The following DSE variants were observed in gnomAD, a reference collection of about 807,000 sequenced individuals.
DSE encodes the protein dermatan-sulfate epimerase.
DSE carries 36 observed loss-of-function variants against 84.4 expected under a neutral mutation model. The observed-to-expected ratio is 0.43, with a 90% confidence interval of 0.33 to 0.56. The LOEUF is 0.56. Ranked by LOEUF, DSE falls within the 20% of genes least tolerant of loss-of-function variation. The pLI is 0.06. For missense variants in DSE, 862 were observed against 1,169.6 expected, an observed-to-expected ratio of 0.74 and a Z score of 3.84; for synonymous variants, 410 against 430.1, an observed-to-expected ratio of 0.95 and a Z score of 0.58.
At chr6:116,308,778 T>C (rs1294229660) in intron 2 of DSE, among the ~76,000 whole-genome samples, 1 of 151,904 alleles carries the variant, frequency 6.6e-6, no homozygotes, top group African/African-American at 2.4e-5. Flanking sequence ...CCCGGGTTCA[T>C]GCCATTCTCC....
Position 116,307,463 on chromosome 6 carries a change from A to G in DSE, c.-54+48496A>G, listed in dbSNP as rs568988037. On this transcript the variant is annotated intron_variant, in intron 2 of 3. Coordinates refer to the DSE transcript ENST00000430252. The stretch of plus-strand genomic sequence containing the variant: ...ATTTTGAATGCATTTGGTTGAAAAC[A>G]TTCTGAAAAGAACCTTTTCTTCATA... 1.1e-4 allele frequency among the ~76,000 whole-genome samples: 17 copies of G among 152,352 alleles called. No homozygotes were observed. In the East Asian group the frequency reaches 2.5e-3, roughly 22 times the overall value.
chr6:116,370,766 G>T (rs1254531284), upstream of DSE: 10 of 927,514 alleles, frequency 1.1e-5, no homozygotes, highest in Admixed American at 6.2e-5. Context: ...AAAGCGGGGC[G>T]GGCCTGCGGT....
chr6:116,259,976 A>G (rs1772342436), intron 2 of DSE, among the ~76,000 whole-genome samples: 1 of 152,184 alleles, frequency 6.6e-6, no homozygotes, highest in South Asian at 2.1e-4. Flanking sequence ...TTATGATAGA[A>G]TGACTTATAT....
intron 2 of DSE, among the ~76,000 whole-genome samples, chr6:116,350,780 C>T (rs1192488762): frequency 6.6e-6 from 1 of 151,978 alleles, no homozygotes; most frequent in African/African-American, 2.4e-5. Context: ...ATTCACTAAA[C>T]GTGTACGGTA....
intron 2 of DSE, among the ~76,000 whole-genome samples, chr6:116,415,442 A>T (rs1192244069): frequency 1.3e-5 from 2 of 151,958 alleles, no homozygotes; most frequent in Non-Finnish European, 2.9e-5. Context: ...TGTACTGTGC[A>T]CTTCATGGAT....
intron 2 of DSE, among the ~76,000 whole-genome samples, chr6:116,319,833 A>G (rs1776198065): frequency 6.6e-6 from 1 of 152,060 alleles, no homozygotes; most frequent in South Asian, 2.1e-4. Context: ...TTTCATAAAT[A>G]TGTTCTTCTC....
At chr6:116,374,567 A>G (rs192471310) in intron 1 of DSE, among the ~76,000 whole-genome samples, 364 of 152,320 alleles carry the variant, frequency 2.4e-3, no homozygotes, top group African/African-American at 8.5e-3. Context: ...ATAACAGAAT[A>G]CTTGAATCTG....
At chr6:116,256,956 A>G (rs1233040264) in intron 1 of DSE, among the ~76,000 whole-genome samples, 2 of 152,230 alleles carry the variant, frequency 1.3e-5, no homozygotes, top group African/African-American at 2.4e-5. Flanking sequence ...AGAAAATGCC[A>G]TGAAAATCTA....
At chr6:116,369,849 G>A (rs1460960758), upstream of DSE, 2 of 1,212,498 alleles carry the variant, frequency 1.6e-6, no homozygotes, top group Non-Finnish European at 2.2e-6. Flanking sequence ...GAGGATAGAG[G>A]AATTGGATGG....
chr6:116,303,496 G>A (rs1198772006), intron 2 of DSE, among the ~76,000 whole-genome samples: 2 of 152,040 alleles, frequency 1.3e-5, no homozygotes, highest in African/African-American at 4.8e-5. Flanking sequence ...ACAACATCTG[G>A]CATGTTGTAG....
chr6:116,393,044 G>A (rs766202531), intron 1 of DSE, among the ~76,000 whole-genome samples: 12 of 152,150 alleles, frequency 7.9e-5, no homozygotes, highest in Admixed American at 3.9e-4. Flanking sequence ...TAATATAAAT[G>A]TGTTACTAAG....
intron 2 of DSE, among the ~76,000 whole-genome samples, chr6:116,291,966 G>A (rs546095645): frequency 9.8e-5 from 15 of 152,292 alleles, no homozygotes; most frequent in African/African-American, 3.6e-4. Flanking sequence ...TGTAGTGGGA[G>A]GAGAGATCAA....
chr6:116,435,918 T>G lies in DSE; in HGVS notation c.1450T>G (p.Leu484Val), dbSNP rs1784121827. 6.2e-7 allele frequency: 1 copy of G among 1,614,160 alleles called. No individual in the cohort carries two copies. Among genetic ancestry groups the G allele is most frequent in the Non-Finnish European group, 8.5e-7 (1 of 1,180,016 alleles). The change falls in exon 6 of 6, where the codon TTG (leucine) becomes GTG (valine). Residue 484 changes from leucine (L) to valine (V), a missense_variant. Coordinates refer to ENST00000644252, the MANE Select transcript of DSE (RefSeq NM_013352.4). ...GPKYTFFNNV[L>V]MFSPAVSKSC... is the part of the protein sequence containing the mutation. ...AAAGTACACCTTCTTCAACAATGTT[T>G]TGATGTTTTCCCCAGCTGTGTCAAA...
chr6:116,421,469 T>A (rs1273545218), intron 2 of DSE, among the ~76,000 whole-genome samples: 550 of 77,698 alleles, frequency 7.1e-3, no homozygotes, highest in African/African-American at 0.014. Flanking sequence ...ATATATTTTT[T>A]TTTTTTTTTT....
intron 2 of DSE, chr6:116,279,816 A>T (rs1773394073): frequency 3.7e-6 from 6 of 1,613,004 alleles, no homozygotes; most frequent in Non-Finnish European, 5.1e-6. Flanking sequence ...TCTTGACCCC[A>T]TCCAGGCCGC....
At chr6:116,274,595 G>A (rs1452586303) in intron 2 of DSE, among the ~76,000 whole-genome samples, 75 of 150,162 alleles carry the variant, frequency 5.0e-4, no homozygotes, top group Non-Finnish European at 9.3e-4. Flanking sequence ...AAAAAAAAAA[G>A]AGCATTTTAC....
At chr6:116,409,652 G>A (rs62425200) in intron 2 of DSE, among the ~76,000 whole-genome samples, 3 of 152,120 alleles carry the variant, frequency 2.0e-5, no homozygotes, top group East Asian at 3.9e-4. Context: ...ATTTCAAGAC[G>A]TGTTATGTAT....
chr6:116,334,506 CT>C lies in DSE; in HGVS notation c.-53-64690del, dbSNP rs1777127642. ...CCATTCTGTAGGTTGTCTGCTCACT[CT>C]TAATAGTTTCCTTGCTAGATCCCAT... On this transcript the variant is annotated intron_variant, in intron 2 of 3. Transcript: ENST00000430252. 7.9e-5 allele frequency among the ~76,000 whole-genome samples: 12 copies of C among 152,176 alleles called. 1 individual carries two copies. In the South Asian group the frequency reaches 1.9e-3, roughly 24 times the overall value.
intron 1 of DSE, among the ~76,000 whole-genome samples, chr6:116,378,509 GATCA>G (rs1365243312): frequency 1.3e-5 from 2 of 151,976 alleles, no homozygotes; most frequent in African/African-American, 4.8e-5. Context: ...TCATATATAA[GATCA>G]ATCTTTCATT....
Sources: gnomAD v4.1 joint callset for allele counts (sites outside exome capture counted in the v4.1 genomes callset) on GRCh38, gnomAD v4.1.1 for gene constraint, MANE v1.5 for transcripts, NCBI Gene and HGNC (gene_info 2026-07-23, HGNC 2026-07-21) for gene names.